CDK17: variants seen among roughly 807,000 people sequenced by gnomAD.
CDK17 encodes the protein cyclin-dependent kinase 17.
Under a neutral mutation model 77.6 loss-of-function variants are expected in CDK17, and 24 were observed. The ratio of observed to expected loss-of-function variants is 0.31; its 90% CI spans 0.22 to 0.44. CDK17 has a LOEUF of 0.44. Among genes scored for constraint, CDK17 ranks in the 20% least tolerant of loss-of-function variants. The pLI is 1.00. For synonymous variants in CDK17, 203 were observed against 210.4 expected (o/e 0.96, Z 0.30); for missense variants, 429 against 622.5 (o/e 0.69, Z 3.31).
chr12:96,391,285 A>AT (rs10718899), intron 1 of CDK17, among the ~76,000 whole-genome samples: 25 of 146,446 alleles, frequency 1.7e-4, no homozygotes, highest in South Asian at 1.5e-3. Flanking sequence ...TTTGTTTTTG[A>AT]TTTTTTTTTT....
intron 1 of CDK17, among the ~76,000 whole-genome samples, chr12:96,357,968 A>G (rs1953425973): frequency 6.6e-6 from 1 of 152,218 alleles, no homozygotes; most frequent in Non-Finnish European, 1.5e-5. Context: ...GGTAATTCAT[A>G]GAATAGAATG....
At chr12:96,308,751 A>ATAG (rs1555200773) in intron 5 of CDK17, among the ~76,000 whole-genome samples, 25 of 147,738 alleles carry the variant, frequency 1.7e-4, no homozygotes, top group African/African-American at 5.2e-4. Context: ...AATAATAATA[A>ATAG]TAATAATAAT....
chr12:96,330,320 TTGAG>T (rs912310930), intron 2 of CDK17, among the ~76,000 whole-genome samples: 1 of 152,014 alleles, frequency 6.6e-6, no homozygotes, highest in African/African-American at 2.4e-5. Context: ...ATCAAATACA[TTGAG>T]TGTTTATGAG....
chr12:96,334,362 C>T (rs1953011992), intron 2 of CDK17, among the ~76,000 whole-genome samples: 1 of 152,108 alleles, frequency 6.6e-6, no homozygotes, highest in African/African-American at 2.4e-5. Context: ...TTCCTATGCA[C>T]TTTTAAGCTG....
intron 2 of CDK17, among the ~76,000 whole-genome samples, chr12:96,334,443 ATTC>A (rs1304809605): frequency 2.0e-5 from 3 of 152,202 alleles, no homozygotes; most frequent in Non-Finnish European, 2.9e-5. Flanking sequence ...TATAAAATGC[ATTC>A]TTCTTTAAGA....
chr12:96,365,822 G>A (rs907201741), intron 1 of CDK17, among the ~76,000 whole-genome samples: 7 of 152,188 alleles, frequency 4.6e-5, no homozygotes, highest in Non-Finnish European at 8.8e-5. Flanking sequence ...TGGGGAGACT[G>A]TTTGAGCCTA....
chr12:96,299,787 C>T (rs1481294044), intron 6 of CDK17, among the ~76,000 whole-genome samples: 1 of 152,156 alleles, frequency 6.6e-6, no homozygotes, highest in East Asian at 1.9e-4. Context: ...GCCAGGACAG[C>T]CCTCAAGCTC....
chr12:96,314,770 T>C (rs1270131738), intron 3 of CDK17, among the ~76,000 whole-genome samples: 1 of 152,256 alleles, frequency 6.6e-6, no homozygotes, highest in Admixed American at 6.5e-5. Context: ...AGCATGTTGT[T>C]TCATGCTGCA....
intron 5 of CDK17, among the ~76,000 whole-genome samples, chr12:96,307,519 A>G (rs1321216632): frequency 6.6e-6 from 1 of 152,216 alleles, no homozygotes; most frequent in Non-Finnish European, 1.5e-5. Context: ...ATCTTTGATA[A>G]AAACTGATAG....
At chr12:96,337,800 C>A (rs1427473470) in intron 1 of CDK17, among the ~76,000 whole-genome samples, 1 of 152,192 alleles carries the variant, frequency 6.6e-6, no homozygotes, top group East Asian at 1.9e-4. Context: ...CTAGAGACAT[C>A]TTCCTTTGTT....
chr12:96,357,483 C>T (rs543237605), intron 1 of CDK17, among the ~76,000 whole-genome samples: 12 of 152,088 alleles, frequency 7.9e-5, no homozygotes, highest in African/African-American at 2.4e-4. Context: ...ACAGGAGAGA[C>T]GAGAAGGCAA....
At chr12:96,331,222 G>A (rs901073519) in intron 2 of CDK17, among the ~76,000 whole-genome samples, 1 of 152,220 alleles carries the variant, frequency 6.6e-6, no homozygotes, top group African/African-American at 2.4e-5. Context: ...GGGATTACAG[G>A]CATAAGCCTG....
chr12:96,386,112 C>A (rs1325032659), intron 1 of CDK17, among the ~76,000 whole-genome samples: 2 of 152,172 alleles, frequency 1.3e-5, no homozygotes, highest in Non-Finnish European at 2.9e-5. Flanking sequence ...CTTTACCTTC[C>A]AGAGGAGTAG....
chr12:96,392,823 T>A (rs1485227216), intron 1 of CDK17, among the ~76,000 whole-genome samples: 1 of 152,152 alleles, frequency 6.6e-6, no homozygotes, highest in East Asian at 1.9e-4. Flanking sequence ...GCCCTAAATA[T>A]AGACCAGATT....
rs1952858426 is a variant in CDK17 at position 96,323,956 on chromosome 12, C to T, written c.275G>A (p.Ser92Asn). 6.3e-7 allele frequency: 1 copy of T among 1,583,360 alleles called. No homozygotes were observed. Reference sequence around the variant, plus strand: ...ACAAGTAATCAAATTACCTAATCTGCTTCCATTTCTGGGCATTGCCATGAA... The same window carrying T: ...ACAAGTAATCAAATTACCTAATCTGTTTCCATTTCTGGGCATTGCCATGAA... Reference protein sequence around the residue: ...GSFMAMPRNGSRLDIVHENLK... With the variant: ...GSFMAMPRNGNRLDIVHENLK... The change falls in exon 3 of 17, where the codon AGC (serine) becomes AAC (asparagine). Residue 92 changes from serine (S) to asparagine (N), a missense_variant. Ser to Asn is a conservative substitution (Grantham distance 46). Transcript: ENST00000261211.
At chr12:96,335,248 A>T (rs1407300375) in intron 1 of CDK17, 2 of 315,442 alleles carry the variant, frequency 6.3e-6, no homozygotes, top group Non-Finnish European at 1.2e-5. Context: ...AGCCAGTGAT[A>T]TCTTCAGATA....
chr12:96,323,102 A>T (rs749370275), intron 3 of CDK17, among the ~76,000 whole-genome samples: 2 of 152,142 alleles, frequency 1.3e-5, no homozygotes, highest in Non-Finnish European at 1.5e-5. Flanking sequence ...ATCTAAGAAG[A>T]CTATAAAATA....
chr12:96,395,042 A>AT (rs1290883790), intron 1 of CDK17, among the ~76,000 whole-genome samples: 1 of 151,700 alleles, frequency 6.6e-6, no homozygotes, highest in Non-Finnish European at 1.5e-5. Flanking sequence ...TGCCCAGCTA[A>AT]TTTTTGTATT....
chr12:96,294,451 C>A (rs138376615), intron 10 of CDK17, among the ~76,000 whole-genome samples: 1 of 151,630 alleles, frequency 6.6e-6, no homozygotes, highest in Non-Finnish European at 1.5e-5. Flanking sequence ...GGCATGGTGG[C>A]GCATGCCTGT....
Sources: allele counts gnomAD v4.1 joint callset (sites outside exome capture counted in the v4.1 genomes callset), GRCh38; gene constraint gnomAD v4.1.1; transcripts MANE v1.5; gene names NCBI Gene and HGNC (gene_info 2026-07-23, HGNC 2026-07-21).